R3HDM4: variants seen among roughly 807,000 people sequenced by gnomAD.
R3HDM4 encodes the protein R3H domain-containing protein 4.
A neutral mutation model predicts 31.3 loss-of-function variants in R3HDM4; 30 were observed. The observed-to-expected ratio is 0.96, with a 90% CI of 0.72 to 1.30. The LOEUF (loss-of-function observed/expected upper bound fraction) is 1.30. Among genes scored for constraint, R3HDM4 ranks in the 50% most tolerant of loss-of-function variants. R3HDM4 has a pLI of 0.00. For missense variants in R3HDM4, 444 were observed against 366.1 expected (o/e 1.21, Z -1.74); for synonymous variants, 196 against 156.6 (o/e 1.25, Z -1.88).
Position 912,749 on chromosome 19 carries a change from C to A in R3HDM4, c.71+338G>T, listed in dbSNP as rs144008738. ...GGGGGGCGGACCGGGGAGTGGGGCG[C>A]GGACCGGGGATTAGGGGGCGGACCG... On this transcript the variant is annotated intron_variant, in intron 1 of 7. Transcript: ENST00000361574. Among the ~76,000 whole-genome samples the A allele has an allele frequency of 5.0e-3, 263 of 52,340 alleles. 8 individuals carry two copies. In the East Asian group the frequency reaches 0.088, roughly 17 times the overall value. 34.3% of individuals were successfully genotyped at this position (52,340 alleles called of 152,430 possible). A position where few individuals can be genotyped will look rare whatever the true frequency, so the allele number is the denominator to read the frequency against.
chr19:899,471 A>G lies in R3HDM4; in HGVS notation c.672T>C (p.Ala224=). Residue 224 remains alanine, a synonymous_variant, in exon 7 of 8, where the codon GCT becomes GCC. Coordinates refer to ENST00000361574, the MANE Select transcript of R3HDM4 (RefSeq NM_138774.4). The surrounding 1 kb of genome is among the most constrained non-coding windows in gnomAD (Gnocchi z 6.8). The part of the protein sequence containing the change: ...DNSFERLLLH[A]VCQYMDLISA... ...AGATGAGGTCCATGTACTGGCAGACAGCGTGCAGCAGAAGCCTCTCGAAGC... is the reference window on the plus strand; with the variant it reads ...AGATGAGGTCCATGTACTGGCAGACGGCGTGCAGCAGAAGCCTCTCGAAGC... 1 of 1,613,658 alleles carries G rather than the reference A, an allele frequency of 6.2e-7. No homozygotes were observed. Among genetic ancestry groups the G allele is most frequent in the South Asian group, 1.1e-5 (1 of 91,090 alleles).
rs778634052 is a variant in R3HDM4 at position 897,521 on chromosome 19, C to T, written c.723G>A (p.Lys241=). ...LISASADLEG[K]RQMKVSNRHL... is the part of the protein sequence containing the mutation. ...GCCGATTACTGACCTTCATCTGCCGCTTCCCCTCCAGGTCAGCACCTGCAG... is the reference window on the plus strand; with the variant it reads ...GCCGATTACTGACCTTCATCTGCCGTTTCCCCTCCAGGTCAGCACCTGCAG... Residue 241 remains lysine, a synonymous_variant, in exon 8 of 8, where the codon AAG becomes AAA. Transcript: ENST00000361574. The T allele has an allele frequency of 6.2e-7, 1 of 1,612,842 alleles. No individual in the cohort carries two copies. The highest frequency in any genetic ancestry group is 2.2e-5 in the East Asian group (1 of 44,862).
intron 1 of R3HDM4, among the ~76,000 whole-genome samples, chr19:905,505 CA>C (rs71335321): frequency 0.5 from 50,787 of 100,882 alleles, 11,658 homozygotes; most frequent in Non-Finnish European, 0.58. Context: ...AACTCTGTCT[CA>C]AAAAAAAAAA....
rs139077199 is a variant in R3HDM4 at position 899,703 on chromosome 19, G to A, written c.562-17C>T. On this transcript the variant is annotated splice_polypyrimidine_tract_variant and intron_variant, in intron 5 of 7. Transcript: ENST00000361574. This position sits in a 1 kb window ranked among gnomAD's most constrained non-coding sequence, Gnocchi z 6.8. Reference sequence around the variant, plus strand: ...CAGCGTTTCCTGGGGAGAGCGGCCCGGTGGTCAGGGAACTGCGGGACCTGT... The same window carrying A: ...CAGCGTTTCCTGGGGAGAGCGGCCCAGTGGTCAGGGAACTGCGGGACCTGT... 1,955 of 1,550,704 alleles carry A rather than the reference G, an allele frequency of 1.3e-3. 15 individuals are homozygous for A. In the African/African-American group the frequency reaches 0.023, roughly 18 times the overall value.
chr19:898,386 C>T (rs2145279477), intron 7 of R3HDM4, among the ~76,000 whole-genome samples: 1 of 115,314 alleles, frequency 8.7e-6, no homozygotes, highest in East Asian at 2.3e-4. Flanking sequence ...GCATGGGTGA[C>T]AGAGCGAGAC....
chr19:901,048 G>A, intron 3 of R3HDM4, 96 bp from the exon 4 acceptor site: 1 of 1,415,382 alleles, frequency 7.1e-7, no homozygotes, highest in Non-Finnish European at 9.5e-7. Flanking sequence ...CAAGCACGTG[G>A]ACGCGCTCCT....
intron 1 of R3HDM4, among the ~76,000 whole-genome samples, chr19:909,900 G>A (rs368735776): frequency 2.0e-5 from 3 of 152,078 alleles, no homozygotes; most frequent in East Asian, 3.9e-4. Context: ...TAGAGGAGAC[G>A]TTACGTGGGT....
chr19:900,691 C>T (rs1401548236), intron 4 of R3HDM4, 138 bp downstream of exon 4: 1 of 479,796 alleles, frequency 2.1e-6, no homozygotes, highest in Non-Finnish European at 3.1e-6. Context: ...CTGGGCCCAA[C>T]ATACTAGGTC....
At position 899,854 on chromosome 19, in the gene R3HDM4, G is replaced by C. The variant is rs1464371364; in HGVS notation, c.562-168C>G. 6.6e-6 allele frequency among the ~76,000 whole-genome samples: 1 copy of C among 152,126 alleles called. No homozygotes were observed. Among genetic ancestry groups the C allele is most frequent in the African/African-American group, 2.4e-5 (1 of 41,404 alleles). On this transcript the variant is annotated intron_variant, in intron 5 of 7. Coordinates refer to ENST00000361574, the MANE Select transcript of R3HDM4 (RefSeq NM_138774.4). The surrounding 1 kb of genome is among the most constrained non-coding windows in gnomAD (Gnocchi z 6.8). ...GGCCACCATGCCACCTCCTGCCTGTGCCTTCCGTGGAGGAAACTCCTACAC... is the reference window on the plus strand; with the variant it reads ...GGCCACCATGCCACCTCCTGCCTGTCCCTTCCGTGGAGGAAACTCCTACAC...
intron 1 of R3HDM4, among the ~76,000 whole-genome samples, chr19:908,748 C>A (rs1367260291): frequency 6.6e-6 from 1 of 152,124 alleles, no homozygotes; most frequent in Non-Finnish European, 1.5e-5. Flanking sequence ...TGTTCACCAC[C>A]CCCAGGAACG....
In R3HDM4 at chr19:902,140, G is replaced by A. The variant is rs761294201; in HGVS notation, c.72-10C>T. The A allele has an allele frequency of 4.4e-5, 71 of 1,611,522 alleles. No homozygotes were observed. The highest frequency in any genetic ancestry group is 2.0e-4 in the South Asian group (18 of 91,078). On this transcript the variant is annotated splice_polypyrimidine_tract_variant and intron_variant, in intron 1 of 7. Coordinates refer to ENST00000361574, the MANE Select transcript of R3HDM4 (RefSeq NM_138774.4). ...GCAGCTGGGAAGGGGCCTGTGGGCCGGGGCAGGGGTGGTCCTCAGGGTCAA... is the reference window on the plus strand; with the variant it reads ...GCAGCTGGGAAGGGGCCTGTGGGCCAGGGCAGGGGTGGTCCTCAGGGTCAA...
intron 7 of R3HDM4, among the ~76,000 whole-genome samples, chr19:898,219 T>TAAAAAAA (rs546504389): frequency 2.2e-5 from 3 of 136,396 alleles, no homozygotes; most frequent in East Asian, 2.0e-4. Context: ...CTGTCTCTAC[T>TAAAAAAA]AAAAAAAAAA....
intron 1 of R3HDM4, among the ~76,000 whole-genome samples, chr19:903,412 G>C (rs1021592089): frequency 6.6e-6 from 1 of 152,128 alleles, no homozygotes; most frequent in Non-Finnish European, 1.5e-5. Flanking sequence ...CACTCAGTGT[G>C]GGGGGAATAG....
Position 899,626 on chromosome 19 carries a change from C to A in R3HDM4, c.622G>T (p.Val208Leu). 2 of 1,611,122 alleles carry A rather than the reference C, an allele frequency of 1.2e-6. No individual in the cohort carries two copies. The highest frequency in any genetic ancestry group is 1.7e-6 in the Non-Finnish European group (2 of 1,178,840). ...LRFFSVSPQA[V>L]YTAMLDNSFE... ...CTGTTGTCTAGCATTGCTGTGTACACGGCCTGGGGGGACACGGAGAAGAAC... is the reference window on the plus strand; with the variant it reads ...CTGTTGTCTAGCATTGCTGTGTACAAGGCCTGGGGGGACACGGAGAAGAAC... Residue 208 changes from valine (V) to leucine (L), a missense_variant, in exon 6 of 8, where the codon GTG becomes TTG. Physicochemically the swap from Val to Leu is conservative, Grantham distance 32. Transcript: ENST00000361574. This position sits in a 1 kb window ranked among gnomAD's most constrained non-coding sequence, Gnocchi z 6.8.
chr19:909,440 C>G (rs184736204), intron 1 of R3HDM4, among the ~76,000 whole-genome samples: 1 of 152,134 alleles, frequency 6.6e-6, no homozygotes, highest in African/African-American at 2.4e-5. Context: ...CAGAGACTGA[C>G]GGCTGAGAGC....
chr19:901,386 C>T, intron 3 of R3HDM4, 36 bp downstream of exon 3: 1 of 1,587,248 alleles, frequency 6.3e-7, no homozygotes, highest in Non-Finnish European at 8.5e-7. Context: ...TGCCGGGGTC[C>T]CCGTGTGGAG....
Position 901,430 on chromosome 19 carries a change from A to T in R3HDM4, c.343T>A (p.Tyr115Asn). 1 of 1,606,624 alleles carries T rather than the reference A, an allele frequency of 6.2e-7. No individual in the cohort carries two copies. The highest frequency in any genetic ancestry group is 2.2e-5 in the East Asian group (1 of 44,796). ...GGGGTTGGGGGCCACACCTCCACAT[A>T]GGTGGCGTTGTTGCAGGCCTCGGCA... ...IFAEACNNAT[Y>N]VEVWNDFMNR... Residue 115 changes from tyrosine (Y) to asparagine (N), a missense_variant, in exon 3 of 8, where the codon TAT becomes AAT. Tyr to Asn is a moderately radical substitution (Grantham distance 143). Transcript: ENST00000361574.
rs2036757889 is a variant in R3HDM4 at position 897,616 on chromosome 19, C to T, written c.704-76G>A. 4.4e-6 allele frequency: 5 copies of T among 1,148,598 alleles called. No individual in the cohort carries two copies. The East Asian group carries it at 1.3e-4, about 30-fold the overall frequency. 71.2% of individuals were successfully genotyped at this position (1,148,598 alleles called of 1,614,324 possible). ...CAGGTAGAGGTGCCTCGGACCTGCACCACCCTCGCTTCTTCCCAGGGAGGT... is the reference window on the plus strand; with the variant it reads ...CAGGTAGAGGTGCCTCGGACCTGCATCACCCTCGCTTCTTCCCAGGGAGGT... On this transcript the variant is annotated intron_variant, in intron 7 of 7. Coordinates refer to ENST00000361574, the MANE Select transcript of R3HDM4 (RefSeq NM_138774.4).
intron 4 of R3HDM4, 107 bp from the exon 5 acceptor site, chr19:900,253 C>T: frequency 1.3e-6 from 1 of 794,818 alleles, no homozygotes. Flanking sequence ...TGTGCCTTGG[C>T]CTCTCCTGCC....
Sources: allele counts gnomAD v4.1 joint callset (sites outside exome capture counted in the v4.1 genomes callset), GRCh38; gene constraint gnomAD v4.1.1; non-coding constraint Gnocchi (gnomAD v3.1); transcripts MANE v1.5; gene names NCBI Gene and HGNC (gene_info 2026-07-23, HGNC 2026-07-21).